The following CCSER1 variants were observed in gnomAD, a reference collection of about 807,000 sequenced individuals.
CCSER1 encodes coiled-coil serine rich protein 1, also known as serine-rich coiled-coil domain-containing protein 1.
CCSER1 carries 41 observed loss-of-function variants against 82.0 expected under a neutral mutation model. The ratio of observed to expected loss-of-function variants is 0.50; its 90% CI spans 0.39 to 0.65. The LOEUF is 0.65. CCSER1 is among the 30% of genes least tolerant of loss of function. The probability of loss-of-function intolerance (pLI) is 0.00; values close to 1 mark genes in which losing one functional copy is unlikely to be tolerated. For missense variants in CCSER1, 1,119 were observed against 1,064.2 expected (o/e 1.05, Z -0.72); for synonymous variants, 414 against 383.9 (o/e 1.08, Z -0.92).
At chr4:90,196,690 A>ACACACACAC (rs1736695004) in intron 1 of CCSER1, among the ~76,000 whole-genome samples, 3 of 62,022 alleles carry the variant, frequency 4.8e-5, no homozygotes, top group African/African-American at 2.8e-4. Context: ...CACACACACA[A>ACACACACAC]TCTTAGCTCA....
chr4:90,794,482 G>T (rs1305769970), intron 7 of CCSER1, among the ~76,000 whole-genome samples: 1 of 152,106 alleles, frequency 6.6e-6, no homozygotes, highest in Non-Finnish European at 1.5e-5. Flanking sequence ...TAGCTGTGTG[G>T]CCTTATTACT....
chr4:91,234,885 T>C (rs1738884466), intron 10 of CCSER1, among the ~76,000 whole-genome samples: 1 of 152,094 alleles, frequency 6.6e-6, no homozygotes, highest in Non-Finnish European at 1.5e-5. Context: ...TTGCCTCTTG[T>C]TAAATTATGG....
chr4:91,586,313 G>A (rs1309048319), intron 10 of CCSER1, among the ~76,000 whole-genome samples: 1 of 151,668 alleles, frequency 6.6e-6, no homozygotes, highest in African/African-American at 2.4e-5. Context: ...AAGCAAATAA[G>A]TTAAGAGTTG....
intron 7 of CCSER1, among the ~76,000 whole-genome samples, chr4:90,776,861 T>C (rs2149589772): frequency 6.6e-6 from 1 of 152,290 alleles, no homozygotes; most frequent in Non-Finnish European, 1.5e-5. Context: ...TATGCATTTC[T>C]CTCTCTTATT....
chr4:90,439,294 GAAAAC>G (rs1222441562), intron 4 of CCSER1, among the ~76,000 whole-genome samples: 2 of 151,586 alleles, frequency 1.3e-5, no homozygotes, highest in East Asian at 1.9e-4. Flanking sequence ...TCTCCAAAAG[GAAAAC>G]AAAACAAAAC....
chr4:91,230,738 C>T (rs980881577), intron 10 of CCSER1, among the ~76,000 whole-genome samples: 21 of 151,548 alleles, frequency 1.4e-4, no homozygotes, highest in South Asian at 1.0e-3. Context: ...GATCAAATTT[C>T]GAATATTAAA....
intron 8 of CCSER1, among the ~76,000 whole-genome samples, chr4:90,892,071 A>G (rs575538718): frequency 6.6e-6 from 1 of 152,234 alleles, no homozygotes; most frequent in South Asian, 2.1e-4. Context: ...CCAGCAAAGT[A>G]AAATAAAAAT....
At chr4:90,366,146 A>G (rs907527021) in intron 3 of CCSER1, among the ~76,000 whole-genome samples, 1 of 151,942 alleles carries the variant, frequency 6.6e-6, no homozygotes, top group Non-Finnish European at 1.5e-5. Flanking sequence ...TAGCAATAGC[A>G]TATCTATCAT....
In CCSER1 at chr4:91,599,847, T is replaced by A. The variant is rs185203412; in HGVS notation, c.*790T>A. 1.4e-3 allele frequency: 208 copies of A among 152,298 alleles called. 1 individual carries two copies. Among genetic ancestry groups the A allele is most frequent in the African/African-American group, 4.8e-3 (200 of 41,582 alleles). 9.4% of individuals were successfully genotyped at this position (152,298 alleles called of 1,614,324 possible). ...TGAATTTTGTCAGATGATGCATAAA[T>A]ACTGACATGCTATATTCTTTGAGCC... On this transcript the variant is annotated 3_prime_UTR_variant, in exon 11 of 11. Coordinates refer to ENST00000509176, the MANE Select transcript of CCSER1 (RefSeq NM_001145065.2).
chr4:91,269,215 C>T (rs1382947338), intron 10 of CCSER1, among the ~76,000 whole-genome samples: 4 of 152,164 alleles, frequency 2.6e-5, no homozygotes, highest in Non-Finnish European at 4.4e-5. Context: ...AGAGCTAATA[C>T]TTTAATGTGT....
At chr4:91,167,665 G>T (rs2148993837) in intron 10 of CCSER1, among the ~76,000 whole-genome samples, 1 of 152,256 alleles carries the variant, frequency 6.6e-6, no homozygotes, top group South Asian at 2.1e-4. Context: ...ATGTTTATAG[G>T]TAGAAGGGGT....
intron 10 of CCSER1, among the ~76,000 whole-genome samples, chr4:91,350,116 C>A (rs1218843879): frequency 6.7e-6 from 1 of 149,998 alleles, no homozygotes; most frequent in Non-Finnish European, 1.5e-5. Flanking sequence ...ATGAATTAAA[C>A]CTTTAATACA....
intron 1 of CCSER1, among the ~76,000 whole-genome samples, chr4:90,229,209 G>A (rs1743906954): frequency 6.6e-6 from 1 of 152,144 alleles, no homozygotes; most frequent in African/African-American, 2.4e-5. Context: ...TATGTTAAGG[G>A]CAGCCAGAGA....
chr4:90,348,189 G>A (rs1052672585), intron 3 of CCSER1, among the ~76,000 whole-genome samples: 9 of 152,122 alleles, frequency 5.9e-5, no homozygotes, highest in Non-Finnish European at 2.9e-5. Flanking sequence ...CCTGGGTGAC[G>A]AAGTAATTTG....
At chr4:90,979,842 C>T (rs573490720) in intron 9 of CCSER1, among the ~76,000 whole-genome samples, 1 of 151,898 alleles carries the variant, frequency 6.6e-6, no homozygotes, top group Admixed American at 6.6e-5. Context: ...AGCCATAAAA[C>T]ATCAGAGTTA....
intron 9 of CCSER1, among the ~76,000 whole-genome samples, chr4:91,082,184 C>A (rs1244207124): frequency 6.6e-6 from 1 of 152,114 alleles, no homozygotes; most frequent in Non-Finnish European, 1.5e-5. Context: ...GCTACAGTAA[C>A]CAAAACGGCA....
intron 10 of CCSER1, among the ~76,000 whole-genome samples, chr4:91,486,651 C>CTATT (rs1758236404): frequency 6.6e-6 from 1 of 152,012 alleles, no homozygotes; most frequent in Admixed American, 6.6e-5. Context: ...AGCATAACAA[C>CTATT]TATTTACATA....
In CCSER1 at chr4:90,460,303, C is replaced by T. The variant is rs527668941; in HGVS notation, c.1604-7931C>T. On this transcript the variant is annotated intron_variant, in intron 4 of 10. Coordinates refer to ENST00000509176, the MANE Select transcript of CCSER1 (RefSeq NM_001145065.2). The stretch of plus-strand genomic sequence containing the variant: ...TCGCGCCACTGCACTCCAGCCTGGG[C>T]GACAGAGCGAAACTCCGTCTCAAAA... Among the ~76,000 whole-genome samples, 446 of 102,804 alleles carry T rather than the reference C, an allele frequency of 4.3e-3. 3 individuals are homozygous for T. The highest frequency in any genetic ancestry group is 5.7e-3 in the Non-Finnish European group (336 of 59,270). 67.4% of individuals were successfully genotyped at this position (102,804 alleles called of 152,430 possible). A position where few individuals can be genotyped will look rare whatever the true frequency, so the allele number is the denominator to read the frequency against.
At chr4:90,629,570 C>G (rs1020605154) in intron 6 of CCSER1, among the ~76,000 whole-genome samples, 2 of 152,174 alleles carry the variant, frequency 1.3e-5, no homozygotes, top group East Asian at 1.9e-4. Context: ...CTGCCTCCCC[C>G]ACCCTTGACA....
Sources: allele counts gnomAD v4.1 joint callset (sites outside exome capture counted in the v4.1 genomes callset), GRCh38; gene constraint gnomAD v4.1.1; transcripts MANE v1.5; gene names NCBI Gene and HGNC (gene_info 2026-07-23, HGNC 2026-07-21).